The following ACAN variants were observed in gnomAD, a reference collection of about 807,000 sequenced individuals.
ACAN encodes aggrecan.
Under a neutral mutation model 169.1 loss-of-function variants are expected in ACAN, and 47 were observed. That is an observed-to-expected ratio of 0.28 (90% CI 0.22 to 0.35). ACAN has a LOEUF of 0.35. Ranked by LOEUF, ACAN falls within the 10% of genes least tolerant of loss-of-function variation. The pLI is 1.00. For missense variants in ACAN, 2,716 were observed against 2,759.9 expected, an observed-to-expected ratio of 0.98 and a Z score of 0.36; for synonymous variants, 1,115 against 1,112.2, an observed-to-expected ratio of 1.00 and a Z score of -0.05.
intron 1 of ACAN, among the ~76,000 whole-genome samples, chr15:88,815,294 C>T (rs975724352): frequency 6.6e-6 from 1 of 152,120 alleles, no homozygotes; most frequent in Non-Finnish European, 1.5e-5. Context: ...CGCAGTGGCT[C>T]ATGCCTGTAA....
intron 1 of ACAN, 49 bp from the exon 2 acceptor site, chr15:88,836,151 T>G: frequency 7.2e-7 from 1 of 1,387,270 alleles, no homozygotes; most frequent in South Asian, 1.2e-5. Context: ...CTGCTTGACC[T>G]CACCATGCCT....
At chr15:88,848,107 T>C in intron 9 of ACAN, 69 bp downstream of exon 9, 3 of 1,579,334 alleles carry the variant, frequency 1.9e-6, no homozygotes, top group East Asian at 4.5e-5. Flanking sequence ...GACAGGGCGA[T>C]ACAAAGAAGA....
chr15:88,838,992 G>A lies in ACAN; in HGVS notation c.400G>A (p.Glu134Lys), dbSNP rs372054790. 52 of 1,611,596 alleles carry A rather than the reference G, an allele frequency of 3.2e-5. No homozygotes were observed. Among genetic ancestry groups the A allele is most frequent in the African/African-American group, 5.3e-5 (4 of 74,940 alleles). ...CAATGACTCTGGGGTCTACCGCTGC[G>A]AGGTGATGCATGGCATCGAGGACAG... ...RSNDSGVYRC[E>K]VMHGIEDSEA... is the part of the protein sequence containing the mutation. Residue 134 changes from glutamate (E) to lysine (K), a missense_variant, in exon 3 of 19, where the codon GAG becomes AAG. Glu to Lys is a moderately conservative substitution (Grantham distance 56). This residue lies in a region of ACAN where 1,283 missense variants were observed against 1,281.5 expected (regional missense o/e 1.00). Coordinates refer to ENST00000560601, the MANE Select transcript of ACAN (RefSeq NM_001369268.1). This position sits in a 1 kb window ranked among gnomAD's most constrained non-coding sequence, Gnocchi z 5.1.
At position 88,858,136 on chromosome 15, in the gene ACAN, G is replaced by C. The variant is rs1161919136; in HGVS notation, c.5551G>C (p.Gly1851Arg). The change falls in exon 12 of 19, where the codon GGG (glycine) becomes CGG (arginine). Residue 1851 changes from glycine (G) to arginine (R), a missense_variant. By Grantham distance (125) the Gly-to-Arg change is moderately radical (BLOSUM62 -2). Coordinates refer to ENST00000560601, the MANE Select transcript of ACAN (RefSeq NM_001369268.1). This position sits in a 1 kb window ranked among gnomAD's most constrained non-coding sequence, Gnocchi z 4.0. ...TACATTTAAAGAAGAAGAAGGCTTA[G>C]GGTCTGTGGAACTCAGTGGCCTCCC... ...PTTFKEEEGL[G>R]SVELSGLPSG... The C allele has an allele frequency of 1.9e-6, 3 of 1,613,876 alleles. No homozygotes were observed. Among genetic ancestry groups the C allele is most frequent in the Non-Finnish European group, 2.5e-6 (3 of 1,179,880 alleles).
chr15:88,859,452 G>A (rs555566720), intron 12 of ACAN, 35 bp downstream of exon 12: 55 of 1,551,378 alleles, frequency 3.5e-5, no homozygotes, highest in Non-Finnish European at 4.4e-5. Context: ...AATGTGCTTA[G>A]GTAGTTCAGA....
intron 1 of ACAN, among the ~76,000 whole-genome samples, chr15:88,834,589 C>T (rs1896453614): frequency 6.6e-6 from 1 of 152,226 alleles, no homozygotes; most frequent in Non-Finnish European, 1.5e-5. Flanking sequence ...CCAATCTTTT[C>T]TTTAGTCCCA....
chr15:88,857,163 C>T lies in ACAN; in HGVS notation c.4578C>T (p.Ser1526=), dbSNP rs767104954. ...CTGCTTCTGGAGTAGAGGACCTCAG[C>T]AGGCTCCCTTCTGGAGAAGAAGTTC... The part of the protein sequence containing the change: ...ETSASGVEDL[S]RLPSGEEVLE... Residue 1526 remains serine, a synonymous_variant, in exon 12 of 19, where the codon AGC becomes AGT. Coordinates refer to ENST00000560601, the MANE Select transcript of ACAN (RefSeq NM_001369268.1). The T allele has an allele frequency of 1.2e-6, 2 of 1,613,664 alleles. No individual in the cohort carries two copies. The highest frequency in any genetic ancestry group is 1.7e-5 in the Admixed American group (1 of 60,002).
chr15:88,829,271 A>G (rs923594765), intron 1 of ACAN, among the ~76,000 whole-genome samples: 13 of 152,180 alleles, frequency 8.5e-5, no homozygotes, highest in South Asian at 6.2e-4. Context: ...TACCTTCACA[A>G]TTTCCCTGGG....
Position 88,856,948 on chromosome 15 carries a change from G to A in ACAN, c.4363G>A (p.Glu1455Lys), listed in dbSNP as rs773110836. The A allele has an allele frequency of 8.1e-6, 13 of 1,613,352 alleles. No homozygotes were observed. Among genetic ancestry groups the A allele is most frequent in the Non-Finnish European group, 1.0e-5 (12 of 1,179,680 alleles). The change falls in exon 12 of 19, where the codon GAA becomes AAA. Residue 1455 changes from glutamate (E) to lysine (K), a missense_variant. This residue lies in a region of ACAN where 1,389 missense variants were observed against 1,363.7 expected (regional missense o/e 1.02). Coordinates refer to ENST00000560601, the MANE Select transcript of ACAN (RefSeq NM_001369268.1). ...VEEISGLPSG[E>K]VLETSTSAVG... Reference sequence around the variant, plus strand: ...GGAGATCAGCGGGCTTCCTTCTGGAGAAGTTCTAGAGACTTCTACCTCTGC... The same window carrying A: ...GGAGATCAGCGGGCTTCCTTCTGGAAAAGTTCTAGAGACTTCTACCTCTGC...
chr15:88,854,307 A>AATCAGTGGGGCTGGGGTGAGGTC (rs1306963936), intron 11 of ACAN, among the ~76,000 whole-genome samples: 1 of 152,136 alleles, frequency 6.6e-6, no homozygotes, highest in African/African-American at 2.4e-5. Flanking sequence ...AGAGTTGCTG[A>AATCAGTGGGGCTGGGGTGAGGTC]ATCAGTGGGG....
In ACAN at chr15:88,873,747, G is replaced by A; in HGVS notation, c.7448-95G>A. On this transcript the variant is annotated intron_variant, in intron 17 of 18. Transcript: ENST00000560601. This position sits in a 1 kb window ranked among gnomAD's most constrained non-coding sequence, Gnocchi z 7.5. ...CGTCCAGGGCTCACTGTCAGATGTT[G>A]AGGCTGTGTCCCCCACAGTGCCTCG... 1 of 1,329,220 alleles carries A rather than the reference G, an allele frequency of 7.5e-7. No homozygotes were observed. Among genetic ancestry groups the A allele is most frequent in the Non-Finnish European group, 1.0e-6 (1 of 961,434 alleles). The allele number at this position is 1,329,220 out of a possible 1,614,324, so 82.3% of individuals were successfully genotyped here. A position where few individuals can be genotyped will look rare whatever the true frequency, so the allele number is the denominator to read the frequency against.
chr15:88,845,492 G>T lies in ACAN; in HGVS notation c.1052-13G>T, dbSNP rs1488870618. Reference sequence around the variant, plus strand: ...GGCTGAGAGGCTAAAGCTTGTCTTTGCCCCTCCCCTAGGTGAAGACTTTGT... The same window carrying T: ...GGCTGAGAGGCTAAAGCTTGTCTTTTCCCCTCCCCTAGGTGAAGACTTTGT... On this transcript the variant is annotated splice_polypyrimidine_tract_variant and intron_variant, in intron 6 of 18. Transcript: ENST00000560601. 6.3e-7 allele frequency: 1 copy of T among 1,585,554 alleles called. No individual in the cohort carries two copies. The highest frequency in any genetic ancestry group is 1.1e-5 in the South Asian group (1 of 87,024).
rs1468507534 is a variant in ACAN at position 88,856,852 on chromosome 15, G to A, written c.4267G>A (p.Ala1423Thr). Residue 1423 changes from alanine (A) to threonine (T), a missense_variant, in exon 12 of 19, where the codon GCC becomes ACC. This residue lies in a region of ACAN where 44 missense variants were observed against 114.7 expected (regional missense o/e 0.38). Coordinates refer to ENST00000560601, the MANE Select transcript of ACAN (RefSeq NM_001369268.1). ...TTCTGGAGAAGTTCTAGAGACTACT[G>A]CCCCTGGAGTAGATGAGATCAGTGG... ...LPSGEVLETT[A>T]PGVDEISGLP... 1 of 1,568,348 alleles carries A rather than the reference G, an allele frequency of 6.4e-7. No homozygotes were observed. Among genetic ancestry groups the A allele is most frequent in the Non-Finnish European group, 8.7e-7 (1 of 1,152,050 alleles).
rs1005986765 is a variant in ACAN at position 88,866,176 on chromosome 15, C to G, written c.6947-2040C>G. Among the ~76,000 whole-genome samples, 1 of 152,162 alleles carries G rather than the reference C, an allele frequency of 6.6e-6. No homozygotes were observed. The highest frequency in any genetic ancestry group is 1.5e-5 in the Non-Finnish European group (1 of 68,018). On this transcript the variant is annotated intron_variant, in intron 13 of 18. Transcript: ENST00000560601. The surrounding 1 kb of genome is among the most constrained non-coding windows in gnomAD (Gnocchi z 5.6). ...AGCCTCTGAGACAACTGGATACCCCCCAGCCTGACCTCCGCTGGGGTGTCT... is the reference window on the plus strand; with the variant it reads ...AGCCTCTGAGACAACTGGATACCCCGCAGCCTGACCTCCGCTGGGGTGTCT...
rs1896669801 is a variant in ACAN at position 88,841,833 on chromosome 15, C to G, written c.723C>G (p.Thr241=). Reference sequence around the variant, plus strand: ...ATGGCATCCGAGACACCAACGAGACCTATGATGTGTACTGCTTCGCCGAGG... The same window carrying G: ...ATGGCATCCGAGACACCAACGAGACGTATGATGTGTACTGCTTCGCCGAGG... ...RTYGIRDTNE[T]YDVYCFAEEM... Residue 241 remains threonine (T), a synonymous_variant, in exon 5 of 19, where the codon ACC becomes ACG. Transcript: ENST00000560601. The G allele has an allele frequency of 1.2e-6, 2 of 1,613,376 alleles. No homozygotes were observed. The highest frequency in any genetic ancestry group is 1.7e-6 in the Non-Finnish European group (2 of 1,179,774).
chr15:88,825,510 A>G lies in ACAN; in HGVS notation c.-7-10690A>G, dbSNP rs988679703. ...AGGTATGAATTCAGGTTGTGTTCTT[A>G]AGATACCCACCTTCTAGTGTACCAT... On this transcript the variant is annotated intron_variant, in intron 1 of 18. Transcript: ENST00000560601. Among the ~76,000 whole-genome samples, 3 of 152,222 alleles carry G rather than the reference A, an allele frequency of 2.0e-5. No individual in the cohort carries two copies. The East Asian group carries it at 5.8e-4, about 29-fold the overall frequency.
At chr15:88,864,272 C>CTT (rs758178161) in intron 13 of ACAN, among the ~76,000 whole-genome samples, 22 of 145,102 alleles carry the variant, frequency 1.5e-4, no homozygotes, top group Admixed American at 1.4e-3. Flanking sequence ...ATGTTATAAC[C>CTT]TTTTTTTTTT....
chr15:88,853,108 G>A (rs540339533), intron 11 of ACAN, among the ~76,000 whole-genome samples: 107 of 152,242 alleles, frequency 7.0e-4, no homozygotes, highest in African/African-American at 1.6e-3. Context: ...GACCTTCCTC[G>A]CCCTTCACCA....
intron 1 of ACAN, among the ~76,000 whole-genome samples, chr15:88,830,239 G>T (rs115822826): frequency 6.6e-6 from 1 of 152,222 alleles, no homozygotes; most frequent in African/African-American, 2.4e-5. Flanking sequence ...ACAGCACAAT[G>T]AATGGAGAAT....
Sources: allele counts gnomAD v4.1 joint callset (sites outside exome capture counted in the v4.1 genomes callset), GRCh38; gene constraint gnomAD v4.1.1; regional missense constraint gnomAD v4.1.1; non-coding constraint Gnocchi (gnomAD v3.1); transcripts MANE v1.5; gene names NCBI Gene and HGNC (gene_info 2026-07-23, HGNC 2026-07-21).